MAD1L1: variants seen among roughly 807,000 people sequenced by gnomAD.
MAD1L1 encodes mitotic arrest deficient 1 like 1, also known as mitotic spindle assembly checkpoint protein MAD1.
Under a neutral mutation model 96.9 loss-of-function variants are expected in MAD1L1, and 95 were observed. The ratio of observed to expected loss-of-function variants is 0.98; its 90% CI spans 0.83 to 1.16. The LOEUF (loss-of-function observed/expected upper bound fraction) is 1.16, where lower values mean the gene tolerates loss of function less well. Ranked by LOEUF, MAD1L1 falls within the 50% of genes most tolerant of loss-of-function variation. The pLI is 0.00. For synonymous variants in MAD1L1, 473 were observed against 396.6 expected (o/e 1.19, Z -2.29); for missense variants, 1,007 against 954.4 (o/e 1.06, Z -0.73).
chr7:1,820,082 G>C (rs1409868833), intron 18 of MAD1L1, among the ~76,000 whole-genome samples: 3 of 152,254 alleles, frequency 2.0e-5, no homozygotes, highest in African/African-American at 4.8e-5. Context: ...GGCGTGAAGA[G>C]GTGGAGGCCA....
chr7:2,157,437 A>T (rs898876839), intron 10 of MAD1L1, among the ~76,000 whole-genome samples: 5 of 152,206 alleles, frequency 3.3e-5, no homozygotes, highest in African/African-American at 1.2e-4. Flanking sequence ...CTGAGAAGAG[A>T]AAAGCAGCAC....
intron 17 of MAD1L1, among the ~76,000 whole-genome samples, chr7:1,932,216 C>T (rs1339172066): frequency 1.3e-5 from 2 of 152,238 alleles, no homozygotes; most frequent in Non-Finnish European, 2.9e-5. Context: ...CAGCTGCTCC[C>T]CAGGCCTAAG....
chr7:2,213,380 C>T, intron 9 of MAD1L1, 107 bp from the exon 10 acceptor site: 1 of 1,037,260 alleles, frequency 9.6e-7, no homozygotes, highest in East Asian at 2.4e-5. Flanking sequence ...CTCAGGAGAG[C>T]CTGCCCTCAT....
intron 15 of MAD1L1, among the ~76,000 whole-genome samples, chr7:1,973,816 C>T: frequency 6.6e-6 from 1 of 152,174 alleles, no homozygotes; most frequent in Non-Finnish European, 1.5e-5. Context: ...GGCATGGCAA[C>T]ACTACTGGAC....
intron 14 of MAD1L1, among the ~76,000 whole-genome samples, chr7:1,982,531 T>A (rs775725447): frequency 3.3e-5 from 5 of 152,192 alleles, no homozygotes; most frequent in Non-Finnish European, 7.3e-5. Context: ...TTCTAACTTA[T>A]CTTTGTATAC....
intron 9 of MAD1L1, among the ~76,000 whole-genome samples, chr7:2,213,875 C>A (rs1189013971): frequency 6.6e-6 from 1 of 152,362 alleles, no homozygotes; most frequent in Middle Eastern, 3.4e-3. Context: ...AGTCTCACGG[C>A]CCTTCTAGGA....
intron 18 of MAD1L1, among the ~76,000 whole-genome samples, chr7:1,835,081 A>G (rs1037334270): frequency 6.6e-6 from 1 of 151,808 alleles, no homozygotes; most frequent in African/African-American, 2.4e-5. Context: ...CAATAAATGC[A>G]GAAAAAGCAT....
intron 11 of MAD1L1, among the ~76,000 whole-genome samples, chr7:2,083,399 T>C (rs1393246398): frequency 6.6e-6 from 1 of 152,210 alleles, no homozygotes; most frequent in Non-Finnish European, 1.5e-5. Context: ...AAGACAGGAA[T>C]GACCTTTAAA....
At chr7:1,993,742 A>G (rs1747397418) in intron 14 of MAD1L1, among the ~76,000 whole-genome samples, 1 of 152,234 alleles carries the variant, frequency 6.6e-6, no homozygotes, top group African/African-American at 2.4e-5. Context: ...GCATCTTCTC[A>G]TAAGATCTTT....
chr7:2,070,351 C>A (rs1584249033), intron 11 of MAD1L1, among the ~76,000 whole-genome samples: 1 of 152,116 alleles, frequency 6.6e-6, no homozygotes, highest in Non-Finnish European at 1.5e-5. Flanking sequence ...GAGGCTGTCC[C>A]AGGGAGAGGG....
chr7:2,192,647 A>T (rs73289787), intron 10 of MAD1L1, among the ~76,000 whole-genome samples: 2,763 of 152,290 alleles, frequency 0.018, 87 homozygotes, highest in African/African-American at 0.063. Flanking sequence ...AAAGTTTTTT[A>T]AAAAATTCTA....
intron 11 of MAD1L1, among the ~76,000 whole-genome samples, chr7:2,125,070 C>T (rs1362044746): frequency 6.6e-6 from 1 of 152,190 alleles, no homozygotes; most frequent in Admixed American, 6.5e-5. Flanking sequence ...GGATCCGGTC[C>T]TCACAGCGAC....
chr7:1,818,248 G>T (rs1215197394), intron 18 of MAD1L1, among the ~76,000 whole-genome samples: 1 of 152,152 alleles, frequency 6.6e-6, no homozygotes, highest in Non-Finnish European at 1.5e-5. Flanking sequence ...CCAACCCAGG[G>T]CTGGCAACCT....
chr7:1,977,466 C>A (rs555715331), intron 15 of MAD1L1, among the ~76,000 whole-genome samples: 2 of 152,212 alleles, frequency 1.3e-5, no homozygotes, highest in Admixed American at 1.3e-4. Context: ...GTGAGCACCA[C>A]GCACGCAACC....
chr7:1,986,436 CA>C (rs1231151095), intron 14 of MAD1L1, among the ~76,000 whole-genome samples: 1 of 147,104 alleles, frequency 6.8e-6, no homozygotes, highest in African/African-American at 2.4e-5. Flanking sequence ...GAGCCAGGGT[CA>C]GGGGCCGCCT....
At position 1,863,599 on chromosome 7, in the gene MAD1L1, G is replaced by A. The variant is rs568510945; in HGVS notation, c.1998+34601C>T. Among the ~76,000 whole-genome samples the A allele has an allele frequency of 2.6e-5, 4 of 152,348 alleles. No homozygotes were observed. In the East Asian group the frequency reaches 7.7e-4, roughly 29 times the overall value. ...CCCCCAGACCCAGGAGGAGACTTGG[G>A]CTTGCAGAGACCGTCACCTGCCCAC... On this transcript the variant is annotated intron_variant, in intron 18 of 18. Coordinates refer to ENST00000265854, the MANE Select transcript of MAD1L1 (RefSeq NM_001013836.2).
chr7:2,121,733 G>A (rs1303834624), intron 11 of MAD1L1, among the ~76,000 whole-genome samples: 1 of 152,212 alleles, frequency 6.6e-6, no homozygotes, highest in Non-Finnish European at 1.5e-5. Flanking sequence ...GGGAGGGAAA[G>A]GTCACACCTT....
In MAD1L1 at chr7:1,859,044, CCTCCACACCAAACCCCATA is replaced by C. The variant is rs1784392408; in HGVS notation, c.1998+39137_1998+39155del. On this transcript the variant is annotated intron_variant, in intron 18 of 18. Transcript: ENST00000265854. ...GGGAGAGGTGGAGGGATGGAGCAGA[CCTCCACACCAAACCCCATA>C]CGCAGGAGGGCCAGGCACCTGAGAG... 4.8e-5 allele frequency among the ~76,000 whole-genome samples: 4 copies of C among 82,496 alleles called. No individual in the cohort carries two copies. In the Admixed American group the frequency reaches 6.7e-4, roughly 14 times the overall value. The allele number at this position is 82,496 out of a possible 152,430, so 54.1% of individuals were successfully genotyped here. A position where few individuals can be genotyped will look rare whatever the true frequency, so the allele number is the denominator to read the frequency against.
chr7:2,185,130 G>A (rs1044472799), intron 10 of MAD1L1, among the ~76,000 whole-genome samples: 5 of 152,146 alleles, frequency 3.3e-5, no homozygotes, highest in African/African-American at 7.2e-5. Flanking sequence ...GAGAGATGCC[G>A]GCGTACAAAC....
Sources: gnomAD v4.1 joint callset for allele counts (sites outside exome capture counted in the v4.1 genomes callset) on GRCh38, gnomAD v4.1.1 for gene constraint, MANE v1.5 for transcripts, NCBI Gene and HGNC (gene_info 2026-07-23, HGNC 2026-07-21) for gene names.